RFX3: variants seen among roughly 807,000 people sequenced by gnomAD.
RFX3 encodes the protein transcription factor RFX3.
A neutral mutation model predicts 98.6 loss-of-function variants in RFX3; 14 were observed. The observed-to-expected ratio is 0.14, with a 90% CI of 0.09 to 0.22. RFX3 has a LOEUF of 0.22. Among genes scored for constraint, RFX3 ranks in the 10% least tolerant of loss-of-function variants. The pLI, the probability that RFX3 is intolerant of heterozygous loss-of-function variation, is 1.00. For synonymous variants in RFX3, 383 were observed against 328.4 expected (o/e 1.17, Z -1.80); for missense variants, 639 against 926.9 (o/e 0.69, Z 4.03).
intron 1 of RFX3, among the ~76,000 whole-genome samples, chr9:3,510,227 A>G (rs1425768990): frequency 1.3e-5 from 2 of 151,954 alleles, no homozygotes; most frequent in African/African-American, 4.8e-5. Context: ...CCACTGAGAA[A>G]GAAAGATACT....
chr9:3,295,154 G>C (rs1328131817), intron 5 of RFX3, among the ~76,000 whole-genome samples: 2 of 151,728 alleles, frequency 1.3e-5, no homozygotes, highest in South Asian at 2.1e-4. Flanking sequence ...GGGAAATTAA[G>C]TTACTGAGGT....
At chr9:3,261,954 G>A (rs535283958) in intron 13 of RFX3, among the ~76,000 whole-genome samples, 3 of 152,090 alleles carry the variant, frequency 2.0e-5, no homozygotes, top group Admixed American at 6.5e-5. Flanking sequence ...TTTTCTTTGC[G>A]GAAATGTCTA....
At chr9:3,381,544 T>C (rs117247280) in intron 2 of RFX3, among the ~76,000 whole-genome samples, 4,745 of 152,264 alleles carry the variant, frequency 0.031, 96 homozygotes, top group Non-Finnish European at 0.051. Context: ...AATGATGAGA[T>C]AGAAAGTTAA....
intron 15 of RFX3, among the ~76,000 whole-genome samples, chr9:3,242,109 T>TG (rs1468436831): frequency 6.6e-6 from 1 of 152,182 alleles, no homozygotes; most frequent in Non-Finnish European, 1.5e-5. Flanking sequence ...CTATTTGAAG[T>TG]GAGGCAGTCC....
chr9:3,341,193 G>T (rs1322613849), intron 3 of RFX3, among the ~76,000 whole-genome samples: 1 of 151,666 alleles, frequency 6.6e-6, no homozygotes, highest in East Asian at 1.9e-4. Context: ...TCACAGGCGG[G>T]AATTGAACAA....
At chr9:3,494,304 A>T (rs1850954342) in intron 1 of RFX3, among the ~76,000 whole-genome samples, 1 of 152,088 alleles carries the variant, frequency 6.6e-6, no homozygotes, top group Non-Finnish European at 1.5e-5. Flanking sequence ...TTGACCTGGA[A>T]CCCCTTCAGA....
At chr9:3,308,003 G>T (rs1410903272) in intron 4 of RFX3, among the ~76,000 whole-genome samples, 1 of 151,948 alleles carries the variant, frequency 6.6e-6, no homozygotes, top group East Asian at 1.9e-4. Context: ...TTAAAAATGG[G>T]GATAGTAAAC....
At chr9:3,483,339 A>G (rs1445388205) in intron 1 of RFX3, among the ~76,000 whole-genome samples, 1 of 152,236 alleles carries the variant, frequency 6.6e-6, no homozygotes, top group East Asian at 1.9e-4. Context: ...TGTCCAATCT[A>G]TAATAACAAT....
intron 1 of RFX3, among the ~76,000 whole-genome samples, chr9:3,474,309 T>C (rs954634422): frequency 6.6e-6 from 1 of 152,216 alleles, no homozygotes; most frequent in African/African-American, 2.4e-5. Flanking sequence ...TAGTGAGAAG[T>C]ATGCAGCACT....
At chr9:3,475,209 A>G (rs1849128343) in intron 1 of RFX3, among the ~76,000 whole-genome samples, 1 of 152,088 alleles carries the variant, frequency 6.6e-6, no homozygotes. Flanking sequence ...TTCATCTTGA[A>G]CACTGTAGGG....
At chr9:3,252,392 A>T (rs912475714) in intron 14 of RFX3, among the ~76,000 whole-genome samples, 3 of 152,174 alleles carry the variant, frequency 2.0e-5, no homozygotes, top group African/African-American at 7.2e-5. Context: ...CCTATAAATC[A>T]GGGCCAGAGA....
intron 1 of RFX3, among the ~76,000 whole-genome samples, chr9:3,405,211 A>C (rs1449371468): frequency 6.6e-6 from 1 of 152,092 alleles, no homozygotes; most frequent in Non-Finnish European, 1.5e-5. Context: ...AGAAAAAAAA[A>C]CCAAAACAAA....
intron 1 of RFX3, among the ~76,000 whole-genome samples, chr9:3,433,747 C>T (rs1223140521): frequency 2.0e-5 from 3 of 152,270 alleles, no homozygotes; most frequent in African/African-American, 7.2e-5. Flanking sequence ...AAATATCTGT[C>T]ACGCTACTTG....
intron 1 of RFX3, among the ~76,000 whole-genome samples, chr9:3,520,396 GCTTA>G (rs1460249591): frequency 6.6e-6 from 1 of 152,022 alleles, no homozygotes; most frequent in Non-Finnish European, 1.5e-5. Flanking sequence ...ATCTTTCTAA[GCTTA>G]CTTAAGGAAG....
intron 1 of RFX3, among the ~76,000 whole-genome samples, chr9:3,444,332 T>C (rs1257733908): frequency 6.6e-6 from 1 of 152,132 alleles, no homozygotes; most frequent in Non-Finnish European, 1.5e-5. Context: ...CACTGTATTA[T>C]TTTATTATTA....
chr9:3,347,177 TG>T (rs1834531285), intron 2 of RFX3, among the ~76,000 whole-genome samples: 1 of 151,938 alleles, frequency 6.6e-6, no homozygotes, highest in South Asian at 2.1e-4. Context: ...AAAAGTAAGC[TG>T]GGTGTGGCGG....
chr9:3,335,786 A>G (rs1466718219), intron 3 of RFX3, among the ~76,000 whole-genome samples: 1 of 152,176 alleles, frequency 6.6e-6, no homozygotes, highest in Non-Finnish European at 1.5e-5. Context: ...AGCTGACTCT[A>G]TTATAAGGTT....
At chr9:3,266,627 A>C (rs1391192945) in intron 11 of RFX3, among the ~76,000 whole-genome samples, 1 of 152,022 alleles carries the variant, frequency 6.6e-6, no homozygotes, top group East Asian at 1.9e-4. Flanking sequence ...CTTGGAAAAA[A>C]ACACTCCTTT....
At chr9:3,408,007 A>C (rs1191121825) in intron 1 of RFX3, among the ~76,000 whole-genome samples, 1 of 152,136 alleles carries the variant, frequency 6.6e-6, no homozygotes, top group East Asian at 1.9e-4. Context: ...GCTCTCAGGT[A>C]CACACCATAA....
Sources: allele counts gnomAD v4.1 joint callset (sites outside exome capture counted in the v4.1 genomes callset), GRCh38; gene constraint gnomAD v4.1.1; transcripts MANE v1.5; gene names NCBI Gene and HGNC (gene_info 2026-07-23, HGNC 2026-07-21).